CLIP3: variants seen among roughly 807,000 people sequenced by gnomAD.
The protein encoded by CLIP3 is CAP-Gly domain-containing linker protein 3.
Under a neutral mutation model 59.4 loss-of-function variants are expected in CLIP3, and 15 were observed. The ratio of observed to expected loss-of-function variants is 0.25; its 90% confidence interval spans 0.17 to 0.39. The LOEUF (loss-of-function observed/expected upper bound fraction) is 0.39, where lower values mean the gene tolerates loss of function less well. CLIP3 is among the 10% of genes least tolerant of loss of function. The probability of loss-of-function intolerance (pLI) is 1.00; values close to 1 mark genes in which losing one functional copy is unlikely to be tolerated. For missense variants in CLIP3, 495 were observed against 765.7 expected (o/e 0.65, Z 4.17); for synonymous variants, 300 against 321.6 (o/e 0.93, Z 0.72).
chr19:36,023,584 A>G (rs941431130), intron 7 of CLIP3, among the ~76,000 whole-genome samples: 1 of 149,908 alleles, frequency 6.7e-6, no homozygotes, highest in Non-Finnish European at 1.5e-5. Context: ...TTTTTTTTCA[A>G]TAGAGGCAGG....
intron 7 of CLIP3, among the ~76,000 whole-genome samples, chr19:36,023,699 C>A (rs1035246232): frequency 6.6e-6 from 1 of 152,080 alleles, no homozygotes; most frequent in East Asian, 1.9e-4. Context: ...AACTACCGTG[C>A]CCAGCCCAGA....
rs1442873139 is a variant in CLIP3, at chr19:36,015,966, A to G, written c.*192T>C. The stretch of plus-strand genomic sequence containing the variant: ...CTCAGGGAATCTCTTTCTGGGTGAC[A>G]TGGGGTCTGTATTTGGGGGTTATTA... On this transcript the variant is annotated 3_prime_UTR_variant, in exon 14 of 14. Transcript: ENST00000360535. 4 of 634,932 alleles carry G rather than the reference A, an allele frequency of 6.3e-6. No homozygotes were observed. Among genetic ancestry groups the G allele is most frequent in the Non-Finnish European group, 1.1e-5 (4 of 350,906 alleles). The allele number at this position is 634,932 out of a possible 1,614,324, so 39.3% of individuals were successfully genotyped here.
At chr19:36,024,662 A>T (rs768259989) in intron 6 of CLIP3, 30 bp from the exon 7 acceptor site, 1 of 1,601,628 alleles carries the variant, frequency 6.2e-7, no homozygotes, top group South Asian at 1.1e-5. Context: ...GAAGGCAGGG[A>T]CTCAGTGGCA....
intron 12 of CLIP3, 91 bp downstream of exon 12, chr19:36,017,295 G>A: frequency 8.1e-7 from 1 of 1,235,956 alleles, no homozygotes; most frequent in Admixed American, 1.7e-5. Context: ...TTAAATACCA[G>A]AGACTGTCAC....
chr19:36,019,074 G>C, intron 8 of CLIP3, 48 bp from the exon 9 acceptor site: 1 of 1,590,540 alleles, frequency 6.3e-7, no homozygotes, highest in Non-Finnish European at 8.6e-7. Flanking sequence ...CTCTGCCCTC[G>C]GCCCCCATCC....
chr19:36,020,686 C>T (rs1968929538), intron 7 of CLIP3, among the ~76,000 whole-genome samples: 1 of 152,216 alleles, frequency 6.6e-6, no homozygotes, highest in Non-Finnish European at 1.5e-5. Context: ...AGCCATATTT[C>T]AAGTGCTCAA....
rs1339326944 is a variant in CLIP3, at chr19:36,017,883, A to G, written c.1292T>C (p.Ile431Thr). 1 of 1,613,974 alleles carries G rather than the reference A, an allele frequency of 6.2e-7. No homozygotes were observed. The highest frequency in any genetic ancestry group is 8.5e-7 in the Non-Finnish European group (1 of 1,179,932). ...QVLVAGQKQGIVRFYGKTDFA... is the reference protein window; with the variant it reads ...QVLVAGQKQGTVRFYGKTDFA... ...GTCTGTCTTCCCGTAGAAGCGCACG[A>G]TCCCCTGCTTCTGGCCCGCGACAAG... Residue 431 changes from isoleucine to threonine, a missense_variant, in exon 10 of 14, where the codon ATC (isoleucine) becomes ACC (threonine). Ile to Thr is a moderately conservative substitution (Grantham distance 89). This residue lies in a region of CLIP3 where 179 missense variants were observed against 226.2 expected (regional missense o/e 0.79). Coordinates refer to ENST00000360535, the MANE Select transcript of CLIP3 (RefSeq NM_015526.3).
intron 6 of CLIP3, among the ~76,000 whole-genome samples, chr19:36,025,078 A>G (rs1384487892): frequency 2.6e-5 from 4 of 151,670 alleles, no homozygotes; most frequent in South Asian, 2.1e-4. Context: ...AAAAAAAAAA[A>G]AAGAAGGGGC....
At position 36,014,905 on chromosome 19, in the gene CLIP3, G is replaced by A. The variant is rs952174277; in HGVS notation, c.*1253C>T. 1.3e-5 allele frequency: 2 copies of A among 152,512 alleles called. No individual in the cohort carries two copies. Among genetic ancestry groups the A allele is most frequent in the Admixed American group, 6.5e-5 (1 of 15,290 alleles). The allele number at this position is 152,512 out of a possible 1,614,324, so 9.4% of individuals were successfully genotyped here. ...ATTTGAGATCCCCTCAGGGCCTTGG[G>A]GCCTTCCATTTATTAGAGATGGAGG... On this transcript the variant is annotated 3_prime_UTR_variant, in exon 14 of 14. Coordinates refer to ENST00000360535, the MANE Select transcript of CLIP3 (RefSeq NM_015526.3).
chr19:36,017,773 A>G lies in CLIP3; in HGVS notation c.1333T>C (p.Trp445Arg). 6.2e-7 allele frequency: 1 copy of G among 1,614,102 alleles called. No homozygotes were observed. Among genetic ancestry groups the G allele is most frequent in the Non-Finnish European group, 8.5e-7 (1 of 1,180,008 alleles). The change falls in exon 11 of 14, where the codon TGG becomes CGG. Residue 445 changes from tryptophan (W) to arginine (R), a missense_variant. Trp to Arg is a moderately radical substitution (Grantham distance 101). Around this residue, in one of 5 missense-constraint regions of CLIP3, gnomAD observed 179 missense variants for 226.2 expected, o/e 0.79. Transcript: ENST00000360535. Reference sequence around the variant, plus strand: ...GGCTGGTCCAGCTCAATGCCATACCAGTAACCTGCAGCACGAGGGTGTCAG... The same window carrying G: ...GGCTGGTCCAGCTCAATGCCATACCGGTAACCTGCAGCACGAGGGTGTCAG... ...YGKTDFAPGY[W>R]YGIELDQPTG...
Position 36,027,273 on chromosome 19 carries a change from TG to T in CLIP3, c.167-3del, listed in dbSNP as rs1419547065. ...CATTGGGATCGAAGAAGGTGAAAGC[TG>T]GGGTGGCAAGAGGTCCAAGGTCACC... is the stretch of plus-strand genomic sequence containing the variant. On this transcript the variant is annotated splice_polypyrimidine_tract_variant and splice_region_variant and intron_variant, in intron 2 of 13. Coordinates refer to ENST00000360535, the MANE Select transcript of CLIP3 (RefSeq NM_015526.3). The T allele has an allele frequency of 7.5e-6, 12 of 1,596,774 alleles. No homozygotes were observed. Among genetic ancestry groups the T allele is most frequent in the Non-Finnish European group, 1.0e-5 (12 of 1,171,718 alleles).
At chr19:36,018,641 T>C (rs1352244772) in intron 9 of CLIP3, among the ~76,000 whole-genome samples, 1 of 151,652 alleles carries the variant, frequency 6.6e-6, no homozygotes. Context: ...CCAAGGATTC[T>C]TCCCTAAAAC....
At chr19:36,024,238 C>G (rs549575955) in intron 7 of CLIP3, 158 bp downstream of exon 7, 2 of 641,458 alleles carry the variant, frequency 3.1e-6, no homozygotes, top group Non-Finnish European at 5.4e-6. Context: ...GAGACACCCA[C>G]GGAACAACTG....
rs372413825 is a variant in CLIP3 at position 36,020,801 on chromosome 19, C to T, written c.919-1495G>A. On this transcript the variant is annotated intron_variant, in intron 7 of 13. Coordinates refer to ENST00000360535, the MANE Select transcript of CLIP3 (RefSeq NM_015526.3). ...AGGGCTGTTATAGAGAAATTAAAGC[C>T]CTCAGAACAGGGCTTGGTATTAAGT... Among the ~76,000 whole-genome samples, 20 of 152,148 alleles carry T rather than the reference C, an allele frequency of 1.3e-4. 1 individual carries two copies. In the South Asian group the frequency reaches 3.7e-3, roughly 28 times the overall value.
chr19:36,018,083 T>A, intron 9 of CLIP3, 92 bp from the exon 10 acceptor site: 1 of 1,428,114 alleles, frequency 7.0e-7, no homozygotes, highest in South Asian at 1.3e-5. Context: ...TAGAAAACCC[T>A]GTTCTTCGTT....
chr19:36,016,067 T>A lies in CLIP3; in HGVS notation c.*91A>T. 7.3e-7 allele frequency: 1 copy of A among 1,375,608 alleles called. No individual in the cohort carries two copies. The highest frequency in any genetic ancestry group is 1.0e-6 in the Non-Finnish European group (1 of 972,572). 85.2% of individuals were successfully genotyped at this position (1,375,608 alleles called of 1,614,324 possible). ...GGGGTCTCTACTCTGGATGTGTTACTGGGAATCTCTATCTCAGGGTGACTC... is the reference window on the plus strand; with the variant it reads ...GGGGTCTCTACTCTGGATGTGTTACAGGGAATCTCTATCTCAGGGTGACTC... On this transcript the variant is annotated 3_prime_UTR_variant, in exon 14 of 14. Transcript: ENST00000360535. The surrounding 1 kb of genome is among the most constrained non-coding windows in gnomAD (Gnocchi z 4.1).
Position 36,016,951 on chromosome 19 carries a change from T to C in CLIP3, c.1545A>G (p.Thr515=), listed in dbSNP as rs781462267. The change falls in exon 13 of 14, where the codon ACA becomes ACG. Residue 515 remains threonine (T), a synonymous_variant. Transcript: ENST00000360535. This position sits in a 1 kb window ranked among gnomAD's most constrained non-coding sequence, Gnocchi z 4.1. The part of the protein sequence containing the change: ...TMTQPKRTFT[T]VRTPKDIASE... ...ATGCAATGTCCTTTGGGGTCCGGAC[T>C]GTGGTGAAGGTGCGTTTGGGCTGCG... The C allele has an allele frequency of 1.2e-6, 2 of 1,614,042 alleles. No homozygotes were observed. The highest frequency in any genetic ancestry group is 8.5e-7 in the Non-Finnish European group (1 of 1,179,990).
rs369237644 is a variant in CLIP3 at position 36,019,044 on chromosome 19, G to A, written c.1055-18C>T. 3.0e-4 allele frequency: 469 copies of A among 1,582,476 alleles called. No homozygotes were observed. Among genetic ancestry groups the A allele is most frequent in the Non-Finnish European group, 3.9e-4 (452 of 1,162,408 alleles). On this transcript the variant is annotated intron_variant, in intron 8 of 13. Coordinates refer to ENST00000360535, the MANE Select transcript of CLIP3 (RefSeq NM_015526.3). Reference sequence around the variant, plus strand: ...AAAGAGACCTAGGGGTACAGAATCCGAGCCTGGTGTTGTCCAAGCCTCTGC... The same window carrying A: ...AAAGAGACCTAGGGGTACAGAATCCAAGCCTGGTGTTGTCCAAGCCTCTGC...
chr19:36,026,943 G>T lies in CLIP3; in HGVS notation c.400+9C>A. 6.5e-7 allele frequency: 1 copy of T among 1,532,740 alleles called. No individual in the cohort carries two copies. The allele number at this position is 1,532,740 out of a possible 1,614,324, so 94.9% of individuals were successfully genotyped here. Reference sequence around the variant, plus strand: ...TGGGGCTTATGACTTGGGGGTAGGGGGCCCTCACCGACTCCGTGGGCCCCA... The same window carrying T: ...TGGGGCTTATGACTTGGGGGTAGGGTGCCCTCACCGACTCCGTGGGCCCCA... On this transcript the variant is annotated intron_variant, in intron 4 of 13. Coordinates refer to ENST00000360535, the MANE Select transcript of CLIP3 (RefSeq NM_015526.3). The surrounding 1 kb of genome is among the most constrained non-coding windows in gnomAD (Gnocchi z 6.3).
Sources: gnomAD v4.1 joint callset for allele counts (sites outside exome capture counted in the v4.1 genomes callset) on GRCh38, gnomAD v4.1.1 for gene constraint, gnomAD v4.1.1 regional missense constraint, Gnocchi (gnomAD v3.1) non-coding constraint, MANE v1.5 for transcripts, NCBI Gene and HGNC (gene_info 2026-07-23, HGNC 2026-07-21) for gene names.